Variants in COL5A2 observed in about 807,000 individuals in gnomAD.
COL5A2 encodes collagen alpha-2(V) chain.
A neutral mutation model predicts 208.2 loss-of-function variants in COL5A2; 23 were observed. The ratio of observed to expected loss-of-function variants is 0.11; its 90% confidence interval spans 0.08 to 0.16. The LOEUF is 0.16. Among genes scored for constraint, COL5A2 ranks in the 10% least tolerant of loss-of-function variants. COL5A2 has a pLI of 1.00. For missense variants in COL5A2, 1,590 were observed against 1,956.4 expected (o/e 0.81, Z 3.53); for synonymous variants, 625 against 628.5 (o/e 0.99, Z 0.08).
chr2:189,419,101 C>A, the COL5A2 span, among the ~76,000 whole-genome samples: 2 of 152,264 alleles, frequency 1.3e-5, no homozygotes, highest in Admixed American at 1.3e-4. Flanking sequence ...TTCTGAGAAG[C>A]ATCTTCATGC....
chr2:189,076,940 T>C (rs1686418006), intron 16 of COL5A2, among the ~76,000 whole-genome samples: 2 of 151,960 alleles, frequency 1.3e-5, no homozygotes, highest in Non-Finnish European at 2.9e-5. Flanking sequence ...CCAGGAACGG[T>C]GGCATGCACC....
At chr2:189,345,582 A>G in the COL5A2 span, among the ~76,000 whole-genome samples, 8 of 152,326 alleles carry the variant, frequency 5.3e-5, no homozygotes, top group Admixed American at 2.6e-4. Flanking sequence ...TAAGTATCTC[A>G]GGAAAAAAAG....
intron 6 of COL5A2, 52 bp downstream of exon 6, chr2:189,097,225 T>C (rs1003319909): frequency 2.5e-6 from 4 of 1,569,250 alleles, no homozygotes; most frequent in Non-Finnish European, 3.5e-6. Flanking sequence ...GAGAACACAG[T>C]GTAAACTGAC....
the COL5A2 span, among the ~76,000 whole-genome samples, chr2:189,337,443 A>G: frequency 6.6e-6 from 1 of 151,976 alleles, no homozygotes; most frequent in Non-Finnish European, 1.5e-5. Flanking sequence ...CGGCCTCCCA[A>G]AGTGCTGGGA....
At chr2:189,108,024 AATG>A (rs1687184030) in intron 2 of COL5A2, among the ~76,000 whole-genome samples, 1 of 151,658 alleles carries the variant, frequency 6.6e-6, no homozygotes, top group Non-Finnish European at 1.5e-5. Context: ...GTCAGGTTTG[AATG>A]ATATTATCTG....
chr2:189,436,732 C>A, the COL5A2 span, among the ~76,000 whole-genome samples: 3 of 151,964 alleles, frequency 2.0e-5, no homozygotes, highest in African/African-American at 7.3e-5. Context: ...CCATTATCCT[C>A]AGCAAACTAA....
rs1687852378 is a variant in COL5A2 at position 189,137,678 on chromosome 2, TG to T, written c.98-27230del. ...ACTAGAACCTGAGCTAGCTTCTAAC[TG>T]TGCAGAAGACAGTGAGTTGGGGGCG... On this transcript the variant is annotated intron_variant, in intron 1 of 53. Coordinates refer to ENST00000374866, the MANE Select transcript of COL5A2 (RefSeq NM_000393.5). Among the ~76,000 whole-genome samples the T allele has an allele frequency of 2.0e-5, 3 of 152,174 alleles. 1 individual carries two copies. In the South Asian group the frequency reaches 6.2e-4, roughly 32 times the overall value.
At chr2:189,199,790 A>G (rs1689048711) in intron 1 of COL5A2, among the ~76,000 whole-genome samples, 1 of 152,250 alleles carries the variant, frequency 6.6e-6, no homozygotes, top group Admixed American at 6.5e-5. Context: ...ATAAATGCCC[A>G]AAGGAAGCAA....
At chr2:189,251,738 A>C in the COL5A2 span, among the ~76,000 whole-genome samples, 5 of 152,170 alleles carry the variant, frequency 3.3e-5, no homozygotes, top group Admixed American at 6.5e-5. Context: ...AAGCAAAGTC[A>C]ACAAAAGCCA....
At chr2:189,182,420 A>C (rs138197271), upstream of COL5A2, among the ~76,000 whole-genome samples, 9 of 152,258 alleles carry the variant, frequency 5.9e-5, no homozygotes, top group East Asian at 1.7e-3. Context: ...ATAAGCAATA[A>C]ATCTAGGGTT....
At chr2:189,060,925 A>G (rs1288696442) in intron 30 of COL5A2, 142 bp from the exon 31 acceptor site, 1 of 660,450 alleles carries the variant, frequency 1.5e-6, no homozygotes, top group Non-Finnish European at 2.7e-6. Context: ...ATTTTAAGTA[A>G]AAAATATTGT....
chr2:189,096,692 T>C (rs1157622071), intron 6 of COL5A2, among the ~76,000 whole-genome samples: 1 of 151,666 alleles, frequency 6.6e-6, no homozygotes, highest in African/African-American at 2.4e-5. Context: ...TCTGTGCAGA[T>C]AGGTAATAAA....
chr2:189,293,115 G>A, the COL5A2 span, among the ~76,000 whole-genome samples: 2 of 151,274 alleles, frequency 1.3e-5, no homozygotes, highest in Non-Finnish European at 2.9e-5. Flanking sequence ...GGGGTGGGGG[G>A]AGTGGGGAGG....
chr2:189,233,899 G>T, the COL5A2 span, among the ~76,000 whole-genome samples: 4 of 151,558 alleles, frequency 2.6e-5, no homozygotes. Context: ...AGTGGCAATG[G>T]GTTTATCACC....
At chr2:189,191,898 A>T (rs992619168) in intron 1 of COL5A2, among the ~76,000 whole-genome samples, 2 of 152,148 alleles carry the variant, frequency 1.3e-5, no homozygotes, top group Non-Finnish European at 2.9e-5. Context: ...TGTAAGAAAA[A>T]AAAAAAAGCA....
At chr2:189,335,023 T>TA in the COL5A2 span, among the ~76,000 whole-genome samples, 1 of 151,998 alleles carries the variant, frequency 6.6e-6, no homozygotes, top group African/African-American at 2.4e-5. Context: ...TATCCATATT[T>TA]AAAAAAATCC....
chr2:189,111,509 A>G (rs1687260593), intron 1 of COL5A2, among the ~76,000 whole-genome samples: 1 of 152,092 alleles, frequency 6.6e-6, no homozygotes, highest in African/African-American at 2.4e-5. Flanking sequence ...CCTTCATCCC[A>G]GGCCCACATG....
the COL5A2 span, among the ~76,000 whole-genome samples, chr2:189,349,003 A>C: frequency 6.6e-6 from 1 of 152,144 alleles, no homozygotes; most frequent in African/African-American, 2.4e-5. Flanking sequence ...AAATTAAATA[A>C]TTTTTTCAAA....
intron 1 of COL5A2, among the ~76,000 whole-genome samples, chr2:189,223,041 T>A (rs1689367524): frequency 6.6e-6 from 1 of 152,176 alleles, no homozygotes; most frequent in Non-Finnish European, 1.5e-5. Flanking sequence ...AAATTTCAAT[T>A]AAAAAGGTTA....
Sources: gnomAD v4.1 joint callset for allele counts (sites outside exome capture counted in the v4.1 genomes callset) on GRCh38, gnomAD v4.1.1 for gene constraint, MANE v1.5 for transcripts, NCBI Gene and HGNC (gene_info 2026-07-23, HGNC 2026-07-21) for gene names.